NSUN6: variants seen among roughly 807,000 people sequenced by gnomAD.
The protein encoded by NSUN6 is tRNA (cytosine(72)-C(5))-methyltransferase NSUN6.
Under a neutral mutation model 58.0 loss-of-function variants are expected in NSUN6, and 64 were observed. The observed-to-expected ratio is 1.10, with a 90% confidence interval of 0.90 to 1.36. The LOEUF is 1.36. Among genes scored for constraint, NSUN6 ranks in the 40% most tolerant of loss-of-function variants. The probability of loss-of-function intolerance (pLI) is 0.00; values close to 1 mark genes in which losing one functional copy is unlikely to be tolerated. For synonymous variants in NSUN6, 231 were observed against 193.9 expected, an observed-to-expected ratio of 1.19 and a Z score of -1.59; for missense variants, 701 against 550.1, an observed-to-expected ratio of 1.27 and a Z score of -2.74.
intron 8 of NSUN6, among the ~76,000 whole-genome samples, chr10:18,559,269 G>C (rs1589849341): frequency 6.6e-6 from 1 of 150,698 alleles, no homozygotes; most frequent in South Asian, 2.1e-4. Flanking sequence ...ATGGAGAATG[G>C]ATTAGAATGT....
chr10:18,556,550 A>C (rs565399395), intron 8 of NSUN6, among the ~76,000 whole-genome samples: 1 of 151,194 alleles, frequency 6.6e-6, no homozygotes, highest in African/African-American at 2.4e-5. Flanking sequence ...AATAGAATGA[A>C]ATGGAGAATG....
rs72775117 is a variant in NSUN6 at position 18,633,819 on chromosome 10, T to C, written c.311+8657A>G. ...AGAAAAGAAATACCAACCAACTTTG[T>C]TGCTCCTGACTTGAGTTAACTAAGC... On this transcript the variant is annotated intron_variant, in intron 3 of 10. Coordinates refer to ENST00000377304, the MANE Select transcript of NSUN6 (RefSeq NM_182543.5). Among the ~76,000 whole-genome samples, 1,114 of 152,320 alleles carry C rather than the reference T, an allele frequency of 7.3e-3. 6 individuals carry two copies. Among genetic ancestry groups the C allele is most frequent in the Non-Finnish European group, 9.6e-3 (654 of 68,024 alleles).
chr10:18,631,508 T>C (rs1356849039), intron 3 of NSUN6, among the ~76,000 whole-genome samples: 19 of 127,288 alleles, frequency 1.5e-4, no homozygotes, highest in Non-Finnish European at 2.3e-4. Flanking sequence ...GAAAACCCCA[T>C]TGTCTCAGCC....
intron 8 of NSUN6, among the ~76,000 whole-genome samples, chr10:18,564,276 CT>C (rs1182724809): frequency 6.6e-6 from 1 of 150,442 alleles, no homozygotes; most frequent in Admixed American, 6.7e-5. Flanking sequence ...CTCCACTCCA[CT>C]GCATTCTCTA....
chr10:18,612,828 T>C (rs1042757229), intron 5 of NSUN6, among the ~76,000 whole-genome samples: 13 of 152,204 alleles, frequency 8.5e-5, no homozygotes, highest in African/African-American at 9.7e-5. Flanking sequence ...AAGTACAAGA[T>C]TGCGTATGTT....
chr10:18,584,942 A>C (rs536760024), intron 8 of NSUN6, among the ~76,000 whole-genome samples: 2 of 151,916 alleles, frequency 1.3e-5, no homozygotes, highest in African/African-American at 2.4e-5. Flanking sequence ...CAGTAAAACT[A>C]TCTCTCAAAA....
intron 3 of NSUN6, among the ~76,000 whole-genome samples, chr10:18,635,048 ACCTGCT>A (rs2131514329): frequency 6.6e-6 from 1 of 152,284 alleles, no homozygotes; most frequent in East Asian, 1.9e-4. Flanking sequence ...TATTCGGAAC[ACCTGCT>A]TTCCTTTTGG....
At chr10:18,597,290 T>G (rs1384409690) in intron 6 of NSUN6, among the ~76,000 whole-genome samples, 1 of 152,220 alleles carries the variant, frequency 6.6e-6, no homozygotes, top group Non-Finnish European at 1.5e-5. Flanking sequence ...TAAAATTATT[T>G]GGCAAGAAAA....
intron 8 of NSUN6, among the ~76,000 whole-genome samples, chr10:18,556,090 T>C (rs543042486): frequency 6.8e-5 from 10 of 146,452 alleles, no homozygotes; most frequent in African/African-American, 2.5e-4. Context: ...GAGAATTGAA[T>C]GGAATGGAAT....
chr10:18,636,185 C>A (rs1193509719), intron 3 of NSUN6, among the ~76,000 whole-genome samples: 1 of 151,920 alleles, frequency 6.6e-6, no homozygotes, highest in Non-Finnish European at 1.5e-5. Context: ...TAAGAGGTAA[C>A]CTTCGGCAAA....
intron 8 of NSUN6, among the ~76,000 whole-genome samples, chr10:18,555,841 G>A (rs1231246142): frequency 2.8e-5 from 4 of 144,290 alleles, no homozygotes; most frequent in Admixed American, 7.0e-5. Context: ...ATGGAATGGA[G>A]AAAAATGGAA....
At chr10:18,631,254 C>A (rs2059020193) in intron 3 of NSUN6, among the ~76,000 whole-genome samples, 1 of 149,414 alleles carries the variant, frequency 6.7e-6, no homozygotes, top group Non-Finnish European at 1.5e-5. Flanking sequence ...GGACGTATCT[C>A]AAAATAATAA....
chr10:18,551,293 G>GTGTGTGTGT (rs1554848038), intron 9 of NSUN6, among the ~76,000 whole-genome samples: 7 of 54,060 alleles, frequency 1.3e-4, no homozygotes, highest in East Asian at 9.3e-4. Context: ...TGTGTGTGTG[G>GTGTGTGTGT]TAAAATATAA....
At chr10:18,643,028 T>C (rs550845688) in intron 2 of NSUN6, among the ~76,000 whole-genome samples, 14 of 151,988 alleles carry the variant, frequency 9.2e-5, no homozygotes, top group African/African-American at 2.9e-4. Flanking sequence ...TCCTCTATTA[T>C]AAGGGAACCA....
chr10:18,571,016 CCCATT>C (rs963915017), intron 8 of NSUN6, among the ~76,000 whole-genome samples: 2 of 150,052 alleles, frequency 1.3e-5, no homozygotes, highest in African/African-American at 2.4e-5. Context: ...CATTCAATTC[CCCATT>C]CCATTCCATT....
chr10:18,643,720 T>C (rs2059455104), intron 2 of NSUN6, among the ~76,000 whole-genome samples: 1 of 152,164 alleles, frequency 6.6e-6, no homozygotes, highest in African/African-American at 2.4e-5. Context: ...TTTGATAGCC[T>C]TACAGTATCA....
chr10:18,548,317 T>TTA, intron 9 of NSUN6, 80 bp from the exon 10 acceptor site: 1 of 1,228,448 alleles, frequency 8.1e-7, no homozygotes, highest in African/African-American at 1.5e-5. Context: ...AAAGGTATAA[T>TTA]GTCTTTCAAA....
intron 8 of NSUN6, among the ~76,000 whole-genome samples, chr10:18,560,371 T>G (rs566828847): frequency 6.7e-6 from 1 of 150,226 alleles, no homozygotes; most frequent in South Asian, 2.1e-4. Context: ...CAGGATGGAA[T>G]GGAATGGAGC....
In NSUN6 at chr10:18,630,359, G is replaced by C. The variant is rs576394000; in HGVS notation, c.311+12117C>G. Among the ~76,000 whole-genome samples the C allele has an allele frequency of 1.2e-3, 178 of 150,684 alleles. 1 individual carries two copies. The highest frequency in any genetic ancestry group is 2.0e-3 in the Non-Finnish European group (135 of 67,698). On this transcript the variant is annotated intron_variant, in intron 3 of 10. Coordinates refer to ENST00000377304, the MANE Select transcript of NSUN6 (RefSeq NM_182543.5). ...AATTAAAAGAACTAGAAAAGCAAGA[G>C]CAAACACATTCAAAAGCTAGCAGAA...
Sources: gnomAD v4.1 joint callset for allele counts (sites outside exome capture counted in the v4.1 genomes callset) on GRCh38, gnomAD v4.1.1 for gene constraint, MANE v1.5 for transcripts, NCBI Gene and HGNC (gene_info 2026-07-23, HGNC 2026-07-21) for gene names.